KIF4B: variants seen among roughly 807,000 people sequenced by gnomAD.
KIF4B encodes chromosome-associated kinesin KIF4B.
A neutral mutation model predicts 69.0 loss-of-function variants in KIF4B; 60 were observed. The ratio of observed to expected loss-of-function variants is 0.87; its 90% CI spans 0.71 to 1.08. KIF4B has a LOEUF of 1.08. Among genes scored for constraint, KIF4B ranks in the 50% least tolerant of loss-of-function variants. KIF4B has a pLI of 0.00. For synonymous variants in KIF4B, 489 were observed against 533.0 expected (o/e 0.92, Z 1.14); for missense variants, 1,357 against 1,451.9 (o/e 0.93, Z 1.06).
rs1293986818 is a variant in KIF4B, at chr5:155,013,999, A to G, written c.140A>G (p.Lys47Arg). ...ACTCAGGTGGTGGTTGGTACTGATA[A>G]ATCCTTCACCTACGATTTTGTGTTT... ...GETQVVVGTD[K>R]SFTYDFVFDP... The change falls in exon 1 of 1, where the codon AAA (lysine) becomes AGA (arginine). Residue 47 changes from lysine (K) to arginine (R), a missense_variant. By Grantham distance (26) the Lys-to-Arg change is conservative. Transcript: ENST00000435029. 6.2e-7 allele frequency: 1 copy of G among 1,614,046 alleles called. No homozygotes were observed. The highest frequency in any genetic ancestry group is 8.5e-7 in the Non-Finnish European group (1 of 1,180,038).
Position 155,016,097 on chromosome 5 carries a change from G to C in KIF4B, c.2238G>C (p.Trp746Cys). 1 of 1,614,180 alleles carries C rather than the reference G, an allele frequency of 6.2e-7. No homozygotes were observed. The highest frequency in any genetic ancestry group is 1.1e-5 in the South Asian group (1 of 91,082). ...KEGIAARVRN[W>C]LGNEIEVMVS... Reference sequence around the variant, plus strand: ...GTATTGCAGCTCGAGTGAGGAATTGGCTTGGAAATGAAATTGAGGTTATGG... The same window carrying C: ...GTATTGCAGCTCGAGTGAGGAATTGCCTTGGAAATGAAATTGAGGTTATGG... The change falls in exon 1 of 1, where the codon TGG (tryptophan) becomes TGC (cysteine). Residue 746 changes from tryptophan to cysteine, a missense_variant. Trp to Cys is a radical substitution (Grantham distance 215). Coordinates refer to ENST00000435029, the MANE Select transcript of KIF4B (RefSeq NM_001099293.3).
chr5:155,015,296 A>C lies in KIF4B; in HGVS notation c.1437A>C (p.Glu479Asp), dbSNP rs1403324384. 1.9e-6 allele frequency: 3 copies of C among 1,614,090 alleles called. No individual in the cohort carries two copies. Among genetic ancestry groups the C allele is most frequent in the African/African-American group, 1.3e-5 (1 of 74,932 alleles). Residue 479 changes from glutamate to aspartate, a missense_variant, in exon 1 of 1, where the codon GAA (glutamate) becomes GAC (aspartate). Glu to Asp is a conservative substitution (Grantham distance 45). Coordinates refer to ENST00000435029, the MANE Select transcript of KIF4B (RefSeq NM_001099293.3). ...AACTGATTACCCAGTTATCAGATGA[A>C]ACTGTTGCTTGCACGGCTGCAGCCA... ...LQQLITQLSD[E>D]TVACTAAAID...
chr5:155,016,647 A>C lies in KIF4B; in HGVS notation c.2788A>C (p.Lys930Gln). The change falls in exon 1 of 1, where the codon AAG (lysine) becomes CAG (glutamine). Residue 930 changes from lysine (K) to glutamine (Q), a missense_variant. Physicochemically the swap from Lys to Gln is moderately conservative, Grantham distance 53 (BLOSUM62 1). Coordinates refer to ENST00000435029, the MANE Select transcript of KIF4B (RefSeq NM_001099293.3). ...LVRMEQQHQE[K>Q]VLYLVSQLQE... ...CAGAATGGAGCAACAGCACCAAGAGAAGGTGCTATACCTTGTCAGCCAGCT... is the reference window on the plus strand; with the variant it reads ...CAGAATGGAGCAACAGCACCAAGAGCAGGTGCTATACCTTGTCAGCCAGCT... 6.2e-7 allele frequency: 1 copy of C among 1,614,196 alleles called. No homozygotes were observed. The highest frequency in any genetic ancestry group is 8.5e-7 in the Non-Finnish European group (1 of 1,180,032).
Position 155,014,934 on chromosome 5 carries a change from C to G in KIF4B, c.1075C>G (p.Gln359Glu). 1 of 1,614,178 alleles carries G rather than the reference C, an allele frequency of 6.2e-7. No homozygotes were observed. Among genetic ancestry groups the G allele is most frequent in the Non-Finnish European group, 8.5e-7 (1 of 1,180,026 alleles). ...ACTTAATCATCTAAAGCAACAGGTA[C>G]AACAGCTACAAGTCTTGTTGCTACA... ...AELNHLKQQV[Q>E]QLQVLLLQAH... Residue 359 changes from glutamine to glutamate, a missense_variant, in exon 1 of 1, where the codon CAA becomes GAA. Coordinates refer to ENST00000435029, the MANE Select transcript of KIF4B (RefSeq NM_001099293.3).
Position 155,014,567 on chromosome 5 carries a change from G to A in KIF4B, c.708G>A (p.Leu236=). ...SDKNCSFRSK[L]HLVDLAGSER... is the part of the protein sequence containing the mutation. ...AGAATTGCAGCTTTCGCTCCAAGCT[G>A]CATCTTGTAGATCTCGCTGGATCAG... is the stretch of plus-strand genomic sequence containing the variant. The change falls in exon 1 of 1, where the codon CTG becomes CTA. Residue 236 remains leucine (L), a synonymous_variant. Coordinates refer to ENST00000435029, the MANE Select transcript of KIF4B (RefSeq NM_001099293.3). 1 of 1,614,144 alleles carries A rather than the reference G, an allele frequency of 6.2e-7. No individual in the cohort carries two copies. Among genetic ancestry groups the A allele is most frequent in the Non-Finnish European group, 8.5e-7 (1 of 1,180,008 alleles).
chr5:155,015,477 G>A lies in KIF4B; in HGVS notation c.1618G>A (p.Val540Ile). 1 of 1,614,180 alleles carries A rather than the reference G, an allele frequency of 6.2e-7. No individual in the cohort carries two copies. Among genetic ancestry groups the A allele is most frequent in the Non-Finnish European group, 8.5e-7 (1 of 1,180,036 alleles). The change falls in exon 1 of 1, where the codon GTT (valine) becomes ATT (isoleucine). Residue 540 changes from valine (V) to isoleucine (I), a missense_variant. Transcript: ENST00000435029. ...NNALALKEAL[V>I]RKMTQNDNQL... ...CGCCCTTGCACTGAAAGAGGCCCTA[G>A]TTAGGAAGATGACTCAGAACGACAA...
At position 155,017,182 on chromosome 5, in the gene KIF4B, G is replaced by A; in HGVS notation, c.3323G>A (p.Cys1108Tyr). The A allele has an allele frequency of 6.2e-7, 1 of 1,614,190 alleles. No homozygotes were observed. The highest frequency in any genetic ancestry group is 8.5e-7 in the Non-Finnish European group (1 of 1,180,042). The stretch of plus-strand genomic sequence containing the variant: ...GGGTGCAGGAAGCAAAAGTCAGACT[G>A]TGGTGTGGACTGTAGCTGTGACCCC... ...QCGCRKQKSD[C>Y]GVDCSCDPTK... Residue 1108 changes from cysteine (C) to tyrosine (Y), a missense_variant, in exon 1 of 1, where the codon TGT (cysteine) becomes TAT (tyrosine). Transcript: ENST00000435029.
chr5:155,013,993 C>G lies in KIF4B; in HGVS notation c.134C>G (p.Thr45Ser). ...VPGETQVVVG[T>S]DKSFTYDFVF... ...GGGGAGACTCAGGTGGTGGTTGGTACTGATAAATCCTTCACCTACGATTTT... is the reference window on the plus strand; with the variant it reads ...GGGGAGACTCAGGTGGTGGTTGGTAGTGATAAATCCTTCACCTACGATTTT... Residue 45 changes from threonine to serine, a missense_variant, in exon 1 of 1, where the codon ACT becomes AGT. By Grantham distance (58) the Thr-to-Ser change is moderately conservative. Transcript: ENST00000435029. 6.2e-7 allele frequency: 1 copy of G among 1,614,232 alleles called. No homozygotes were observed. The highest frequency in any genetic ancestry group is 8.5e-7 in the Non-Finnish European group (1 of 1,180,050).
chr5:155,016,261 C>T lies in KIF4B; in HGVS notation c.2402C>T (p.Ser801Phe), dbSNP rs780545678. ...CCTAAACTCCGGAAGTGTACATTCT[C>T]CCTTTCTGAGGTGCATGGTCAAGTT... ...PPPKLRKCTF[S>F]LSEVHGQVLE... The change falls in exon 1 of 1, where the codon TCC (serine) becomes TTC (phenylalanine). Residue 801 changes from serine (S) to phenylalanine (F), a missense_variant. By Grantham distance (155) the Ser-to-Phe change is radical. Transcript: ENST00000435029. 6.2e-7 allele frequency: 1 copy of T among 1,614,148 alleles called. No homozygotes were observed. The highest frequency in any genetic ancestry group is 8.5e-7 in the Non-Finnish European group (1 of 1,180,012).
At position 155,016,496 on chromosome 5, in the gene KIF4B, A is replaced by G. The variant is rs1765334787; in HGVS notation, c.2637A>G (p.Ile879Met). 2 of 1,614,244 alleles carry G rather than the reference A, an allele frequency of 1.2e-6. No individual in the cohort carries two copies. The highest frequency in any genetic ancestry group is 1.7e-5 in the Admixed American group (1 of 60,032). Residue 879 changes from isoleucine (I) to methionine (M), a missense_variant, in exon 1 of 1, where the codon ATA becomes ATG. Transcript: ENST00000435029. Reference sequence around the variant, plus strand: ...TTGGAGAGCTGGTCTCCTCCAAAATACATGTCACCAAACTTGAAAACAGCC... The same window carrying G: ...TTGGAGAGCTGGTCTCCTCCAAAATGCATGTCACCAAACTTGAAAACAGCC... ...YLIGELVSSK[I>M]HVTKLENSLR... is the part of the protein sequence containing the mutation.
Position 155,017,404 on chromosome 5 carries a change from A to G in KIF4B, c.3545A>G (p.Lys1182Arg), listed in dbSNP as rs752410539. The G allele has an allele frequency of 1.9e-6, 3 of 1,614,196 alleles. No homozygotes were observed. In the South Asian group the frequency reaches 3.3e-5, roughly 18 times the overall value. Residue 1182 changes from lysine (K) to arginine (R), a missense_variant, in exon 1 of 1, where the codon AAG becomes AGG. Lys to Arg is a conservative substitution (Grantham distance 26). Transcript: ENST00000435029. Reference protein sequence around the residue: ...MCDMEQVLSKKTAPAPSPFDL... With the variant: ...MCDMEQVLSKRTAPAPSPFDL... Reference sequence around the variant, plus strand: ...GACATGGAGCAGGTGCTGTCAAAGAAGACTGCTCCAGCTCCCTCCCCTTTT... The same window carrying G: ...GACATGGAGCAGGTGCTGTCAAAGAGGACTGCTCCAGCTCCCTCCCCTTTT...
rs61732666 is a variant in KIF4B, at chr5:155,016,642, A to C, written c.2783A>C (p.Gln928Pro). The change falls in exon 1 of 1, where the codon CAA becomes CCA. Residue 928 changes from glutamine (Q) to proline (P), a missense_variant. By Grantham distance (76) the Gln-to-Pro change is moderately conservative. Coordinates refer to ENST00000435029, the MANE Select transcript of KIF4B (RefSeq NM_001099293.3). ...AELVRMEQQH[Q>P]EKVLYLVSQL... ...CTGGTCAGAATGGAGCAACAGCACC[A>C]AGAGAAGGTGCTATACCTTGTCAGC... 1.9e-6 allele frequency: 3 copies of C among 1,614,246 alleles called. No homozygotes were observed. In the African/African-American group the frequency reaches 4.0e-5, roughly 22 times the overall value.
In KIF4B at chr5:155,015,636, A is replaced by C. The variant is rs1465621542; in HGVS notation, c.1777A>C (p.Lys593Gln). 6.2e-7 allele frequency: 1 copy of C among 1,614,266 alleles called. No individual in the cohort carries two copies. Among genetic ancestry groups the C allele is most frequent in the Non-Finnish European group, 8.5e-7 (1 of 1,180,044 alleles). The change falls in exon 1 of 1, where the codon AAG becomes CAG. Residue 593 changes from lysine to glutamine, a missense_variant. By Grantham distance (53) the Lys-to-Gln change is moderately conservative (BLOSUM62 1). Transcript: ENST00000435029. ...QTAKKNVNQAKLSEHRHKLLQ... is the reference protein window; with the variant it reads ...QTAKKNVNQAQLSEHRHKLLQ... ...AGCAAAGAAGAATGTCAACCAAGCC[A>C]AGCTGAGTGAGCACCGCCACAAACT...
In KIF4B at chr5:155,016,339, T is replaced by C; in HGVS notation, c.2480T>C (p.Met827Thr). 6.2e-7 allele frequency: 1 copy of C among 1,614,168 alleles called. No homozygotes were observed. The highest frequency in any genetic ancestry group is 8.5e-7 in the Non-Finnish European group (1 of 1,180,042). Residue 827 changes from methionine (M) to threonine (T), a missense_variant, in exon 1 of 1, where the codon ATG becomes ACG. Transcript: ENST00000435029. ...TKQIESLETEMELRSAQIADL... is the reference protein window; with the variant it reads ...TKQIESLETETELRSAQIADL... ...CAGATTGAAAGCCTAGAGACTGAAA[T>C]GGAACTCAGGAGTGCTCAGATTGCT...
rs1765300038 is a variant in KIF4B, at chr5:155,015,043, T to C, written c.1184T>C (p.Leu395Pro). The change falls in exon 1 of 1, where the codon CTG becomes CCG. Residue 395 changes from leucine to proline, a missense_variant. Transcript: ENST00000435029. ...LQSLMEKNQS[L>P]VEENEKLSRC... ...TCCCTGATGGAGAAGAATCAGTCCC[T>C]GGTAGAGGAGAATGAAAAATTAAGT... The C allele has an allele frequency of 3.1e-6, 5 of 1,614,124 alleles. No homozygotes were observed. Among genetic ancestry groups the C allele is most frequent in the Non-Finnish European group, 4.2e-6 (5 of 1,180,020 alleles).
rs779778233 is a variant in KIF4B, at chr5:155,017,089, T to G, written c.3230T>G (p.Leu1077Ter). 1 of 1,613,866 alleles carries G rather than the reference T, an allele frequency of 6.2e-7. No homozygotes were observed. The highest frequency in any genetic ancestry group is 1.3e-5 in the African/African-American group (1 of 74,884). Residue 1077 changes from leucine to a stop codon, truncating the protein, a stop_gained, in exon 1 of 1, where the codon TTA (leucine) becomes TGA (stop). Coordinates refer to ENST00000435029, the MANE Select transcript of KIF4B (RefSeq NM_001099293.3). LOFTEE classifies it low-confidence loss of function (END_TRUNC). ...GATGAGGAATGGAAGCCAACAAAATTAGTCAAGGTGTCCAGGAAGAACATC... is the reference window on the plus strand; with the variant it reads ...GATGAGGAATGGAAGCCAACAAAATGAGTCAAGGTGTCCAGGAAGAACATC... Reference protein sequence around the residue: ...GDDEEWKPTKLVKVSRKNIQG... With the variant: ...GDDEEWKPTK
Position 155,016,999 on chromosome 5 carries a change from G to T in KIF4B, c.3140G>T (p.Cys1047Phe). 1.2e-6 allele frequency: 2 copies of T among 1,614,190 alleles called. No homozygotes were observed. Among genetic ancestry groups the T allele is most frequent in the African/African-American group, 1.3e-5 (1 of 75,032 alleles). ...QSMDIEDLKY[C>F]SEHSVNEHED... ...ATGGACATCGAGGATCTAAAATATTGTTCAGAGCATTCTGTGAATGAGCAT... is the reference window on the plus strand; with the variant it reads ...ATGGACATCGAGGATCTAAAATATTTTTCAGAGCATTCTGTGAATGAGCAT... Residue 1047 changes from cysteine to phenylalanine, a missense_variant, in exon 1 of 1, where the codon TGT becomes TTT. Coordinates refer to ENST00000435029, the MANE Select transcript of KIF4B (RefSeq NM_001099293.3).
chr5:155,016,532 C>T lies in KIF4B; in HGVS notation c.2673C>T (p.Ser891=), dbSNP rs376817228. ...AACTTGAAAACAGCCTGAGACAGAG[C>T]AAGGCCAGCTGTGCTGACATGCAGA... The part of the protein sequence containing the change: ...VTKLENSLRQ[S]KASCADMQKM... The change falls in exon 1 of 1, where the codon AGC becomes AGT. Residue 891 remains serine (S), a synonymous_variant. Transcript: ENST00000435029. The T allele has an allele frequency of 6.2e-7, 1 of 1,614,184 alleles. No individual in the cohort carries two copies. Among genetic ancestry groups the T allele is most frequent in the African/African-American group, 1.3e-5 (1 of 75,038 alleles).
rs375778576 is a variant in KIF4B at position 155,014,217 on chromosome 5, C to T, written c.358C>T (p.Gln120Ter). ...PTVGIIPRVI[Q>*]LLFKEIDKKS... ...AGTTGGCATTATTCCTAGGGTAATA[C>T]AACTGCTCTTCAAAGAAATTGATAA... is the stretch of plus-strand genomic sequence containing the variant. The change falls in exon 1 of 1, where the codon CAA becomes TAA. Residue 120 changes from glutamine to a stop codon, truncating the protein, a stop_gained. Coordinates refer to ENST00000435029, the MANE Select transcript of KIF4B (RefSeq NM_001099293.3). LOFTEE classifies it high-confidence loss of function. 28 of 1,614,090 alleles carry T rather than the reference C, an allele frequency of 1.7e-5. No homozygotes were observed. Among genetic ancestry groups the T allele is most frequent in the Non-Finnish European group, 1.8e-5 (21 of 1,180,050 alleles).
Sources: allele counts gnomAD v4.1 joint callset, GRCh38; gene constraint gnomAD v4.1.1; transcripts MANE v1.5; gene names NCBI Gene and HGNC (gene_info 2026-07-23, HGNC 2026-07-21).